Variants in SHISA5 observed in about 807,000 individuals in gnomAD.
The protein encoded by SHISA5 is protein shisa-5.
Under a neutral mutation model 27.5 loss-of-function variants are expected in SHISA5, and 21 were observed. The observed-to-expected ratio is 0.76, with a 90% CI of 0.54 to 1.10. The LOEUF is 1.10. Among genes scored for constraint, SHISA5 ranks in the 50% least tolerant of loss-of-function variants. The probability of loss-of-function intolerance (pLI) is 0.00; values close to 1 mark genes in which losing one functional copy is unlikely to be tolerated. For missense variants in SHISA5, 314 were observed against 336.3 expected (o/e 0.93, Z 0.52); for synonymous variants, 137 against 142.2 (o/e 0.96, Z 0.26).
chr3:48,502,245 C>A, intron 1 of SHISA5: 1 of 373,414 alleles, frequency 2.7e-6, no homozygotes, highest in Non-Finnish European at 5.5e-6. Flanking sequence ...ACCACAACTG[C>A]AGGGGCCTGG....
At position 48,501,296 on chromosome 3, in the gene SHISA5, GGA is replaced by G. The variant is rs1356422046; in HGVS notation, c.77-5_77-4del. The G allele has an allele frequency of 3.1e-5, 50 of 1,613,188 alleles. No homozygotes were observed. The highest frequency in any genetic ancestry group is 4.1e-5 in the Non-Finnish European group (48 of 1,179,540). On this transcript the variant is annotated splice_region_variant and splice_polypyrimidine_tract_variant and intron_variant, in intron 1 of 5. Coordinates refer to ENST00000296444, the MANE Select transcript of SHISA5 (RefSeq NM_016479.6). ...AGCCATACACACCTCACCACGTGCT[GGA>G]GAGGAGAAACACATCTGTTCACCTG...
chr3:48,494,655 T>C (rs1173099826), intron 2 of SHISA5, among the ~76,000 whole-genome samples: 1 of 147,650 alleles, frequency 6.8e-6, no homozygotes, highest in Non-Finnish European at 1.5e-5. Flanking sequence ...ATTTTCTTTA[T>C]CCATTTATCC....
At chr3:48,503,968 A>G in intron 1 of SHISA5, 51 bp downstream of exon 1, 1 of 1,445,200 alleles carries the variant, frequency 6.9e-7, no homozygotes, top group South Asian at 1.3e-5. Context: ...AGCGCGGGGA[A>G]GTGTCTGCCC....
intron 2 of SHISA5, among the ~76,000 whole-genome samples, chr3:48,500,281 G>A (rs181395859): frequency 8.0e-4 from 122 of 152,286 alleles, no homozygotes; most frequent in African/African-American, 2.8e-3. Flanking sequence ...CATAGCAGAC[G>A]GTTGCCTGTG....
At chr3:48,485,612 A>G (rs2041190836) in intron 2 of SHISA5, among the ~76,000 whole-genome samples, 1 of 143,978 alleles carries the variant, frequency 6.9e-6, no homozygotes, top group African/African-American at 2.6e-5. Flanking sequence ...ATATGTATTT[A>G]TATATAATAT....
chr3:48,468,211 ATATCAAC>A lies in SHISA5; in HGVS notation c.*889_*895del. Reference sequence around the variant, plus strand: ...TCCACAACCCAGGGGTTTCAGTCTCATATCAACTATCATGTTTGAAACAGAAAACAGG... The same window carrying A: ...TCCACAACCCAGGGGTTTCAGTCTCATATCATGTTTGAAACAGAAAACAGG... On this transcript the variant is annotated 3_prime_UTR_variant, in exon 6 of 6. Coordinates refer to ENST00000296444, the MANE Select transcript of SHISA5 (RefSeq NM_016479.6). 3 of 1,002,152 alleles carry A rather than the reference ATATCAAC, an allele frequency of 3.0e-6. No individual in the cohort carries two copies. The highest frequency in any genetic ancestry group is 3.6e-6 in the Non-Finnish European group (3 of 839,084). The allele number at this position is 1,002,152 out of a possible 1,614,324, so 62.1% of individuals were successfully genotyped here.
rs1375109876 is a variant in SHISA5 at position 48,473,491 on chromosome 3, C to T, written c.315-3648G>A. 4.1e-5 allele frequency: 53 copies of T among 1,291,104 alleles called. No homozygotes were observed. Among genetic ancestry groups the T allele is most frequent in the Non-Finnish European group, 4.9e-5 (49 of 990,148 alleles). 80.0% of individuals were successfully genotyped at this position (1,291,104 alleles called of 1,614,324 possible). On this transcript the variant is annotated intron_variant, in intron 3 of 5. Transcript: ENST00000296444. The surrounding 1 kb of genome is among the most constrained non-coding windows in gnomAD (Gnocchi z 4.3). ...TCTGCATCCATCTAGGCCCAGAGGG[C>T]GACCCTGGGGCCCTGGCTGACACAC... is the stretch of plus-strand genomic sequence containing the variant.
Position 48,473,014 on chromosome 3 carries a change from T to C in SHISA5, c.315-3171A>G. Reference sequence around the variant, plus strand: ...CAGCATGGCGCCCAAGCTCACCCCATGTTAGCCTCTGCCTTCACCCAGAGG... The same window carrying C: ...CAGCATGGCGCCCAAGCTCACCCCACGTTAGCCTCTGCCTTCACCCAGAGG... On this transcript the variant is annotated intron_variant, in intron 3 of 5. Coordinates refer to ENST00000296444, the MANE Select transcript of SHISA5 (RefSeq NM_016479.6). This position sits in a 1 kb window ranked among gnomAD's most constrained non-coding sequence, Gnocchi z 4.3. 6.5e-7 allele frequency: 1 copy of C among 1,536,048 alleles called. No homozygotes were observed. Among genetic ancestry groups the C allele is most frequent in the Non-Finnish European group, 8.7e-7 (1 of 1,146,852 alleles).
intron 1 of SHISA5, 139 bp from the exon 2 acceptor site, chr3:48,501,432 AC>A: frequency 1.1e-6 from 1 of 946,578 alleles, no homozygotes; most frequent in Admixed American, 2.5e-5. Context: ...GCCACAGGCC[AC>A]CTTCTGACCC....
At chr3:48,497,995 A>C (rs1047775943) in intron 2 of SHISA5, among the ~76,000 whole-genome samples, 2 of 152,196 alleles carry the variant, frequency 1.3e-5, no homozygotes, top group African/African-American at 4.8e-5. Context: ...GTAGAATGGA[A>C]GCTTCAATAT....
intron 3 of SHISA5, among the ~76,000 whole-genome samples, chr3:48,478,259 C>G (rs551068657): frequency 6.6e-6 from 1 of 152,286 alleles, no homozygotes; most frequent in African/African-American, 2.4e-5. Context: ...GCACTTCTTC[C>G]CCTCCTCCAC....
rs1057411034 is a variant in SHISA5 at position 48,468,885 on chromosome 3, G to C, written c.*222C>G. On this transcript the variant is annotated 3_prime_UTR_variant, in exon 6 of 6. Coordinates refer to ENST00000296444, the MANE Select transcript of SHISA5 (RefSeq NM_016479.6). ...GAAGCATAATTTCAGGTGAGGAAGA[G>C]AACAAAGTCTGGTCCCAGCCCACTC... 6.5e-7 allele frequency: 1 copy of C among 1,533,024 alleles called. No individual in the cohort carries two copies. The highest frequency in any genetic ancestry group is 1.4e-5 in the African/African-American group (1 of 73,028). 95.0% of individuals were successfully genotyped at this position (1,533,024 alleles called of 1,614,324 possible). A position where few individuals can be genotyped will look rare whatever the true frequency, so the allele number is the denominator to read the frequency against.
chr3:48,503,932 G>A lies in SHISA5; in HGVS notation c.76+87C>T, dbSNP rs759622560. ...GGTCAGTGGGGGGCATAGTGGGGCT[G>A]GTGCTGCCCGGCTCGTTGGAGAGGC... On this transcript the variant is annotated intron_variant, in intron 1 of 5. Transcript: ENST00000296444. 3.1e-5 allele frequency: 43 copies of A among 1,385,924 alleles called. 1 individual carries two copies. The South Asian group carries it at 6.0e-4, about 19-fold the overall frequency. 85.9% of individuals were successfully genotyped at this position (1,385,924 alleles called of 1,614,324 possible). A position where few individuals can be genotyped will look rare whatever the true frequency, so the allele number is the denominator to read the frequency against.
At chr3:48,485,139 C>T (rs2041156915) in intron 2 of SHISA5, among the ~76,000 whole-genome samples, 1 of 151,954 alleles carries the variant, frequency 6.6e-6, no homozygotes, top group Non-Finnish European at 1.5e-5. Context: ...CATGCCACTA[C>T]ACTTCAGCCT....
intron 3 of SHISA5, among the ~76,000 whole-genome samples, chr3:48,474,802 A>G (rs560275652): frequency 1.6e-3 from 239 of 152,126 alleles, no homozygotes; most frequent in Admixed American, 3.3e-3. Context: ...GCACATGCAG[A>G]TACTCCTGCC....
intron 2 of SHISA5, 157 bp from the exon 3 acceptor site, chr3:48,479,414 T>C (rs1413728360): frequency 6.2e-6 from 4 of 641,928 alleles, no homozygotes; most frequent in African/African-American, 1.8e-5. Flanking sequence ...CGGGATCTCA[T>C]AGCACAAAGC....
Position 48,473,324 on chromosome 3 carries a change from C to A in SHISA5, c.315-3481G>T. The A allele has an allele frequency of 7.2e-7, 1 of 1,394,738 alleles. No homozygotes were observed. Among genetic ancestry groups the A allele is most frequent in the Non-Finnish European group, 9.4e-7 (1 of 1,060,036 alleles). 86.4% of individuals were successfully genotyped at this position (1,394,738 alleles called of 1,614,324 possible). ...CTGAGCCAAGCCTACAGGGCCTGAC[C>A]TCAGAATGCAGCCTGGCCACTAGGG... is the stretch of plus-strand genomic sequence containing the variant. On this transcript the variant is annotated intron_variant, in intron 3 of 5. Coordinates refer to ENST00000296444, the MANE Select transcript of SHISA5 (RefSeq NM_016479.6). This position sits in a 1 kb window ranked among gnomAD's most constrained non-coding sequence, Gnocchi z 4.3.
intron 1 of SHISA5, among the ~76,000 whole-genome samples, chr3:48,501,866 T>TC (rs919911212): frequency 3.3e-5 from 5 of 149,728 alleles, no homozygotes; most frequent in African/African-American, 1.2e-4. Flanking sequence ...CTTTCTTTTT[T>TC]TTTTTTTTTT....
chr3:48,475,206 T>C (rs1234807878), intron 3 of SHISA5, among the ~76,000 whole-genome samples: 1 of 151,884 alleles, frequency 6.6e-6, no homozygotes, highest in Non-Finnish European at 1.5e-5. Context: ...ACGGTGACCT[T>C]AGAAAACCAA....
Sources: allele counts gnomAD v4.1 joint callset (sites outside exome capture counted in the v4.1 genomes callset), GRCh38; gene constraint gnomAD v4.1.1; non-coding constraint Gnocchi (gnomAD v3.1); transcripts MANE v1.5; gene names NCBI Gene and HGNC (gene_info 2026-07-23, HGNC 2026-07-21).